The following HIVEP1 variants were observed in gnomAD, a reference collection of about 807,000 sequenced individuals.
HIVEP1 encodes the protein zinc finger protein 40.
Under a neutral mutation model 180.0 loss-of-function variants are expected in HIVEP1, and 36 were observed. That is an observed-to-expected ratio of 0.20 (90% CI 0.15 to 0.26). HIVEP1 has a LOEUF of 0.26. HIVEP1 is among the 10% of genes least tolerant of loss of function. The pLI is 1.00. For missense variants in HIVEP1, 3,143 were observed against 3,268.7 expected, an observed-to-expected ratio of 0.96 and a Z score of 0.94; for synonymous variants, 1,239 against 1,239.0, an observed-to-expected ratio of 1.00 and a Z score of 0.00.
At chr6:12,171,495 C>T in the HIVEP1 span, among the ~76,000 whole-genome samples, 23 of 152,168 alleles carry the variant, frequency 1.5e-4, no homozygotes, top group Admixed American at 3.3e-4. Context: ...CCATCAGGCT[C>T]TGAGGCCAAG....
intron 2 of HIVEP1, among the ~76,000 whole-genome samples, chr6:12,059,619 C>G (rs1210431165): frequency 6.6e-6 from 1 of 152,172 alleles, no homozygotes; most frequent in Non-Finnish European, 1.5e-5. Flanking sequence ...TTCTCCTCGC[C>G]TACTGTGCTG....
intron 2 of HIVEP1, among the ~76,000 whole-genome samples, chr6:12,037,384 T>G (rs1377128511): frequency 6.6e-6 from 1 of 152,216 alleles, no homozygotes; most frequent in Non-Finnish European, 1.5e-5. Flanking sequence ...TCTTCGTGTG[T>G]TTGCTACTGT....
At chr6:12,010,555 C>G (rs1269733193), upstream of HIVEP1, among the ~76,000 whole-genome samples, 2 of 151,850 alleles carry the variant, frequency 1.3e-5, no homozygotes, top group Non-Finnish European at 2.9e-5. Context: ...GTTGTATGGT[C>G]GTTTAGCATT....
At chr6:12,205,749 A>G in the HIVEP1 span, among the ~76,000 whole-genome samples, 1 of 152,224 alleles carries the variant, frequency 6.6e-6, no homozygotes, top group Non-Finnish European at 1.5e-5. Flanking sequence ...ATCACTTAAA[A>G]TGTACTAGAT....
chr6:12,029,019 A>T (rs1169747644), intron 2 of HIVEP1, among the ~76,000 whole-genome samples: 1 of 152,238 alleles, frequency 6.6e-6, no homozygotes. Context: ...CGTAGCATGT[A>T]TCAGGATCTT....
Position 12,120,100 on chromosome 6 carries a change from TA to T in HIVEP1, c.311del (p.Asn104MetfsTer15). On this transcript the variant is annotated frameshift_variant, in exon 4 of 9. Coordinates refer to ENST00000379388, the MANE Select transcript of HIVEP1 (RefSeq NM_002114.4). LOFTEE classifies it high-confidence loss of function. ...ESHKKQNYIP[V>X]KNGKQFTKQN... ...CACAAGAAACAGAATTATATTCCTG[TA>T]AAAAATGGGAAGCAGTTTACCAAAC... 1 of 1,613,058 alleles carries T rather than the reference TA, an allele frequency of 6.2e-7. No individual in the cohort carries two copies. The highest frequency in any genetic ancestry group is 1.3e-5 in the African/African-American group (1 of 74,826).
the HIVEP1 span, among the ~76,000 whole-genome samples, chr6:12,186,670 A>G: frequency 6.6e-6 from 1 of 152,208 alleles, no homozygotes; most frequent in Non-Finnish European, 1.5e-5. Flanking sequence ...AAGAAAGGCA[A>G]CAAAATCCAA....
rs150564064 is a variant in HIVEP1, at chr6:12,113,401, C to T, written c.95-6489C>T. On this transcript the variant is annotated intron_variant, in intron 3 of 8. Coordinates refer to ENST00000379388, the MANE Select transcript of HIVEP1 (RefSeq NM_002114.4). ...CAAGTACAAATCCCAGGGGCAGCAA[C>T]GAGATGGGGCAGTTCGAGGAGGAGA... Among the ~76,000 whole-genome samples the T allele has an allele frequency of 2.6e-5, 4 of 151,746 alleles. No homozygotes were observed. In the South Asian group the frequency reaches 6.3e-4, roughly 24 times the overall value.
intron 2 of HIVEP1, among the ~76,000 whole-genome samples, chr6:12,085,356 G>A (rs559142246): frequency 6.6e-6 from 1 of 152,130 alleles, no homozygotes; most frequent in African/African-American, 2.4e-5. Context: ...TAAGTCCTAG[G>A]GTCTGGTTGA....
chr6:12,129,940 A>G (rs1156691175), intron 5 of HIVEP1, 48 bp downstream of exon 5: 1 of 1,302,278 alleles, frequency 7.7e-7, no homozygotes, highest in Non-Finnish European at 1.1e-6. Flanking sequence ...CTGACTTTTT[A>G]AATGTACATT....
At chr6:12,046,586 C>T (rs971220579) in intron 2 of HIVEP1, among the ~76,000 whole-genome samples, 10 of 151,958 alleles carry the variant, frequency 6.6e-5, no homozygotes, top group Admixed American at 2.0e-4. Flanking sequence ...CGAGACAATC[C>T]TGGCCAACAT....
chr6:12,194,690 T>C, the HIVEP1 span, among the ~76,000 whole-genome samples: 1 of 152,198 alleles, frequency 6.6e-6, no homozygotes, highest in South Asian at 2.1e-4. Flanking sequence ...TAATCCCAGC[T>C]ACTTGGGAGG....
At position 12,123,194 on chromosome 6, in the gene HIVEP1, C is replaced by G; in HGVS notation, c.3399C>G (p.Ile1133Met). ...KIELQRHGTGISVIQHTNSLS... is the reference protein window; with the variant it reads ...KIELQRHGTGMSVIQHTNSLS... ...AACTGCAGAGACACGGAACTGGAATCTCTGTCATCCAGCACACCAACTCCC... is the reference window on the plus strand; with the variant it reads ...AACTGCAGAGACACGGAACTGGAATGTCTGTCATCCAGCACACCAACTCCC... The change falls in exon 4 of 9, where the codon ATC (isoleucine) becomes ATG (methionine). Residue 1133 changes from isoleucine to methionine, a missense_variant. Ile to Met is a conservative substitution (Grantham distance 10, BLOSUM62 1). This residue lies in a region of HIVEP1 where 1,357 missense variants were observed against 1,260.5 expected (regional missense o/e 1.08). Transcript: ENST00000379388. The G allele has an allele frequency of 6.2e-7, 1 of 1,614,204 alleles. No homozygotes were observed. The highest frequency in any genetic ancestry group is 8.5e-7 in the Non-Finnish European group (1 of 1,180,030).
intron 2 of HIVEP1, among the ~76,000 whole-genome samples, chr6:12,051,087 A>C (rs976225100): frequency 6.8e-6 from 1 of 146,672 alleles, no homozygotes; most frequent in Non-Finnish European, 1.5e-5. Flanking sequence ...CTTGGATCTT[A>C]TACTTCTGTC....
Position 12,050,923 on chromosome 6 carries a change from C to T in HIVEP1, c.40+35255C>T, listed in dbSNP as rs57974576. On this transcript the variant is annotated intron_variant, in intron 2 of 8. Transcript: ENST00000379388. The stretch of plus-strand genomic sequence containing the variant: ...CCACAGGCCAGGCGCTAGGCATGCT[C>T]ATTGCTACTGGGTTGGCCGTTGCTT... Among the ~76,000 whole-genome samples, 1,235 of 148,686 alleles carry T rather than the reference C, an allele frequency of 8.3e-3. 19 individuals carry two copies. The highest frequency in any genetic ancestry group is 0.029 in the African/African-American group (1,181 of 40,584).
At chr6:12,151,491 A>C (rs764855601) in intron 7 of HIVEP1, among the ~76,000 whole-genome samples, 3 of 152,224 alleles carry the variant, frequency 2.0e-5, no homozygotes, top group African/African-American at 7.2e-5. Context: ...TCTTATTGGC[A>C]TAATGACAGG....
the HIVEP1 span, among the ~76,000 whole-genome samples, chr6:12,178,109 G>A: frequency 4.6e-5 from 7 of 152,268 alleles, no homozygotes; most frequent in East Asian, 3.9e-4. Context: ...ATGAAGGCTC[G>A]TAAAGTCAAG....
At chr6:12,015,788 C>T in intron 2 of HIVEP1, 120 bp downstream of exon 2, 1 of 789,196 alleles carries the variant, frequency 1.3e-6, no homozygotes, top group Non-Finnish European at 2.1e-6. Context: ...AGCGCTATTT[C>T]TCTTGCTCAT....
intron 2 of HIVEP1, among the ~76,000 whole-genome samples, chr6:12,021,268 G>T (rs766698731): frequency 6.6e-6 from 1 of 152,142 alleles, no homozygotes; most frequent in Non-Finnish European, 1.5e-5. Context: ...CGCTTTCCAC[G>T]GTTGGCCTTC....
Sources: allele counts gnomAD v4.1 joint callset (sites outside exome capture counted in the v4.1 genomes callset), GRCh38; gene constraint gnomAD v4.1.1; regional missense constraint gnomAD v4.1.1; transcripts MANE v1.5; gene names NCBI Gene and HGNC (gene_info 2026-07-23, HGNC 2026-07-21).